Variants in ZMAT4 observed in about 807,000 individuals in gnomAD.
ZMAT4 encodes the protein zinc finger matrin-type 4, also known as zinc finger matrin-type protein 4.
In ZMAT4, 17 loss-of-function variants were observed where a neutral mutation model predicts 28.7. That is an observed-to-expected ratio of 0.59 (90% CI 0.41 to 0.89). The LOEUF (loss-of-function observed/expected upper bound fraction) is 0.89. Ranked by LOEUF, ZMAT4 falls within the 40% of genes least tolerant of loss-of-function variation. The pLI is 0.00. For synonymous variants in ZMAT4, 117 were observed against 109.2 expected (o/e 1.07, Z -0.44); for missense variants, 240 against 283.8 (o/e 0.85, Z 1.11).
chr8:40,793,626 C>T (rs777360979), intron 2 of ZMAT4, among the ~76,000 whole-genome samples: 3 of 152,208 alleles, frequency 2.0e-5, no homozygotes, highest in African/African-American at 4.8e-5. Context: ...AAAAGTCCAA[C>T]GCTTGCGAAC....
At chr8:40,814,179 CTA>C (rs1161038270) in intron 2 of ZMAT4, among the ~76,000 whole-genome samples, 2 of 152,194 alleles carry the variant, frequency 1.3e-5, no homozygotes, top group Non-Finnish European at 2.9e-5. Context: ...ACTGAGGAAA[CTA>C]ATTAAATTCT....
intron 2 of ZMAT4, among the ~76,000 whole-genome samples, chr8:40,770,025 GC>G (rs1813323945): frequency 6.6e-6 from 1 of 152,076 alleles, no homozygotes; most frequent in East Asian, 1.9e-4. Context: ...CTCCCTCGGG[GC>G]CCCCCACCTC....
At chr8:40,639,845 G>C (rs1476266425) in intron 5 of ZMAT4, among the ~76,000 whole-genome samples, 2 of 151,834 alleles carry the variant, frequency 1.3e-5, no homozygotes, top group Non-Finnish European at 2.9e-5. Flanking sequence ...ACAGTGGAAA[G>C]ATCTAGGAGA....
At chr8:40,723,448 C>A (rs1811189098) in intron 3 of ZMAT4, among the ~76,000 whole-genome samples, 1 of 139,648 alleles carries the variant, frequency 7.2e-6, no homozygotes, top group East Asian at 2.2e-4. Flanking sequence ...GAAGCTGAGG[C>A]AGGAGAATCG....
intron 2 of ZMAT4, among the ~76,000 whole-genome samples, chr8:40,773,654 G>C (rs1457848396): frequency 6.6e-6 from 1 of 152,130 alleles, no homozygotes; most frequent in South Asian, 2.1e-4. Flanking sequence ...AATATCAACA[G>C]GGTAAAAGCT....
chr8:40,580,169 C>T lies in ZMAT4; in HGVS notation c.674+996G>A, dbSNP rs184782561. Among the ~76,000 whole-genome samples, 289 of 152,112 alleles carry T rather than the reference C, an allele frequency of 1.9e-3. 1 individual carries two copies. The highest frequency in any genetic ancestry group is 5.8e-3 in the African/African-American group (239 of 41,502). ...CTAGGACTACAGGCACGTGCCACCA[C>T]GCCTGGCTCATTTTTTGTATTTTTA... On this transcript the variant is annotated intron_variant, in intron 6 of 6. Transcript: ENST00000297737.
intron 6 of ZMAT4, among the ~76,000 whole-genome samples, chr8:40,559,287 C>T (rs1803652027): frequency 6.6e-6 from 1 of 152,184 alleles, no homozygotes; most frequent in Non-Finnish European, 1.5e-5. Context: ...GTCCCTGCTT[C>T]ACCTCTTCAC....
At chr8:40,626,848 A>C (rs573964296) in intron 5 of ZMAT4, among the ~76,000 whole-genome samples, 4 of 152,296 alleles carry the variant, frequency 2.6e-5, no homozygotes, top group African/African-American at 9.6e-5. Context: ...GCACACAGAG[A>C]AGCTACAGTT....
At chr8:40,634,013 G>T (rs1806697521) in intron 5 of ZMAT4, among the ~76,000 whole-genome samples, 1 of 152,318 alleles carries the variant, frequency 6.6e-6, no homozygotes, top group East Asian at 1.9e-4. Flanking sequence ...TGAGTCCAAG[G>T]ACCTCCCCTG....
At chr8:40,625,493 T>C (rs552949885) in intron 5 of ZMAT4, among the ~76,000 whole-genome samples, 11 of 151,986 alleles carry the variant, frequency 7.2e-5, no homozygotes, top group Admixed American at 4.6e-4. Context: ...TGGTGAAAAA[T>C]GGCCAAATTG....
chr8:40,649,828 G>A (rs1807547441), intron 5 of ZMAT4, among the ~76,000 whole-genome samples: 2 of 151,840 alleles, frequency 1.3e-5, no homozygotes, highest in African/African-American at 2.4e-5. Flanking sequence ...AATGACTACT[G>A]GGTACATAAT....
At chr8:40,598,395 T>C (rs773755105) in intron 5 of ZMAT4, among the ~76,000 whole-genome samples, 20 of 152,070 alleles carry the variant, frequency 1.3e-4, no homozygotes, top group South Asian at 4.1e-4. Flanking sequence ...CCAGTGTGTG[T>C]TGTTCCCCAC....
rs376477283 is a variant in ZMAT4, at chr8:40,696,933, G to T, written c.349+312C>A. The stretch of plus-strand genomic sequence containing the variant: ...AATTGCAGACGGAATCTAGAAAACA[G>T]AATAGATATCACATCTTATATAATA... On this transcript the variant is annotated intron_variant, in intron 4 of 6. Coordinates refer to ENST00000297737, the MANE Select transcript of ZMAT4 (RefSeq NM_024645.3). 34 of 213,076 alleles carry T rather than the reference G, an allele frequency of 1.6e-4. No homozygotes were observed. In the East Asian group the frequency reaches 2.6e-3, roughly 16 times the overall value. The allele number at this position is 213,076 out of a possible 1,614,324, so 13.2% of individuals were successfully genotyped here.
intron 1 of ZMAT4, among the ~76,000 whole-genome samples, chr8:40,895,228 G>A (rs566792202): frequency 6.6e-6 from 1 of 152,302 alleles, no homozygotes; most frequent in African/African-American, 2.4e-5. Context: ...CTTATCCAGG[G>A]TCCTGGCCAA....
chr8:40,840,247 A>G (rs868761497), intron 1 of ZMAT4, among the ~76,000 whole-genome samples: 1 of 152,176 alleles, frequency 6.6e-6, no homozygotes, highest in Admixed American at 6.5e-5. Context: ...CGGGGCACCC[A>G]TGGCTACTAA....
chr8:40,581,155 A>G lies in ZMAT4; in HGVS notation c.674+10T>C. 6.2e-7 allele frequency: 1 copy of G among 1,610,812 alleles called. No homozygotes were observed. The highest frequency in any genetic ancestry group is 1.1e-5 in the South Asian group (1 of 90,828). ...AAGAAACTGAAGAGTGAAAGCACAAAAGTACCTACTTGGTCTGGTGTTTAG... is the reference window on the plus strand; with the variant it reads ...AAGAAACTGAAGAGTGAAAGCACAAGAGTACCTACTTGGTCTGGTGTTTAG... On this transcript the variant is annotated intron_variant, in intron 6 of 6. Coordinates refer to ENST00000297737, the MANE Select transcript of ZMAT4 (RefSeq NM_024645.3).
intron 2 of ZMAT4, among the ~76,000 whole-genome samples, chr8:40,794,757 C>A (rs545186349): frequency 6.6e-6 from 1 of 152,226 alleles, no homozygotes; most frequent in Non-Finnish European, 1.5e-5. Context: ...CCCTGTGGAT[C>A]AGTTTTCTCC....
chr8:40,621,633 C>G (rs1393383599), intron 5 of ZMAT4, among the ~76,000 whole-genome samples: 1 of 152,198 alleles, frequency 6.6e-6, no homozygotes, highest in African/African-American at 2.4e-5. Context: ...GCTAACGGCA[C>G]TGACTCCTGA....
At chr8:40,694,030 C>A (rs187911990) in intron 4 of ZMAT4, among the ~76,000 whole-genome samples, 2 of 152,330 alleles carry the variant, frequency 1.3e-5, no homozygotes, top group Non-Finnish European at 2.9e-5. Flanking sequence ...GTTTCTCTTA[C>A]ATCTTGATTC....
Sources: gnomAD v4.1 joint callset for allele counts (sites outside exome capture counted in the v4.1 genomes callset) on GRCh38, gnomAD v4.1.1 for gene constraint, MANE v1.5 for transcripts, NCBI Gene and HGNC (gene_info 2026-07-23, HGNC 2026-07-21) for gene names.